Variants in MAML3 observed in about 807,000 individuals in gnomAD.
The protein encoded by MAML3 is mastermind like transcriptional coactivator 3.
MAML3 carries 27 observed loss-of-function variants against 101.9 expected under a neutral mutation model. The observed-to-expected ratio is 0.27, with a 90% CI of 0.20 to 0.37. The LOEUF (loss-of-function observed/expected upper bound fraction) is 0.37. Among genes scored for constraint, MAML3 ranks in the 10% least tolerant of loss-of-function variants. The pLI, the probability that MAML3 is intolerant of heterozygous loss-of-function variation, is 1.00. For missense variants in MAML3, 1,316 were observed against 1,444.9 expected (o/e 0.91, Z 1.45); for synonymous variants, 501 against 555.9 (o/e 0.90, Z 1.39).
intron 2 of MAML3, among the ~76,000 whole-genome samples, chr4:139,749,965 G>A (rs1414840287): frequency 6.7e-6 from 1 of 148,610 alleles, no homozygotes; most frequent in Non-Finnish European, 1.5e-5. Context: ...AGATGGCAAG[G>A]AACAGCTATC....
chr4:139,981,450 A>C (rs1457969636), intron 1 of MAML3, among the ~76,000 whole-genome samples: 2 of 152,238 alleles, frequency 1.3e-5, no homozygotes, highest in Non-Finnish European at 2.9e-5. Flanking sequence ...GATGTAAAGA[A>C]AATTTGCAAA....
In MAML3 at chr4:139,718,442, T is replaced by G. The variant is rs1054581322; in HGVS notation, c.*881A>C. ...TAAAGGCAGGGCTGGAGACAAAGGC[T>G]CCAGGCTGGCAGACACACAGGGTCC... On this transcript the variant is annotated 3_prime_UTR_variant, in exon 5 of 5. Transcript: ENST00000509479. 2.6e-5 allele frequency: 4 copies of G among 152,250 alleles called. No homozygotes were observed. The highest frequency in any genetic ancestry group is 2.6e-4 in the Admixed American group (4 of 15,264). 9.4% of individuals were successfully genotyped at this position (152,250 alleles called of 1,614,324 possible).
intron 1 of MAML3, among the ~76,000 whole-genome samples, chr4:140,135,814 G>A (rs1216721436): frequency 2.0e-5 from 3 of 152,220 alleles, no homozygotes; most frequent in African/African-American, 7.2e-5. Context: ...CAGCCCAGGA[G>A]CTGTTTTATC....
In MAML3 at chr4:139,916,524, C is replaced by T. The variant is rs188579047; in HGVS notation, c.469-25557G>A. ...TCCAGGGATATCACTACTGAAGCGC[C>T]GATATAAGGACACATTTCCCAGGAA... On this transcript the variant is annotated intron_variant, in intron 1 of 4. Coordinates refer to ENST00000509479, the MANE Select transcript of MAML3 (RefSeq NM_018717.5). 4.6e-5 allele frequency among the ~76,000 whole-genome samples: 7 copies of T among 152,234 alleles called. No individual in the cohort carries two copies. In the East Asian group the frequency reaches 1.2e-3, roughly 25 times the overall value.
At chr4:139,969,744 G>A (rs1211332150) in intron 1 of MAML3, among the ~76,000 whole-genome samples, 1 of 152,082 alleles carries the variant, frequency 6.6e-6, no homozygotes, top group Non-Finnish European at 1.5e-5. Context: ...GATGAGAAAA[G>A]CATGCTCTAC....
At chr4:139,793,998 C>T (rs1271841333) in intron 2 of MAML3, 1 of 152,182 alleles carries the variant, frequency 6.6e-6, no homozygotes, top group East Asian at 1.9e-4. Context: ...TCAGGAAGTT[C>T]TCATGTACCT....
chr4:139,816,939 A>T (rs2111118293), intron 2 of MAML3, among the ~76,000 whole-genome samples: 1 of 152,284 alleles, frequency 6.6e-6, no homozygotes, highest in East Asian at 1.9e-4. Context: ...CTAACTTTAT[A>T]TTACAATTAG....
chr4:139,719,413 C>A lies in MAML3; in HGVS notation c.3327G>T (p.Pro1109=). 1.2e-6 allele frequency: 2 copies of A among 1,614,008 alleles called. No individual in the cohort carries two copies. The highest frequency in any genetic ancestry group is 2.7e-5 in the African/African-American group (2 of 75,056). ...DGAGGSFPGL[P]DGADLVDSII... is the part of the protein sequence containing the mutation. ...TGGAGTCCACAAGGTCTGCACCGTC[C>A]GGGAGGCCAGGGAAGGAACCCCCAG... Residue 1109 remains proline, a synonymous_variant, in exon 5 of 5, where the codon CCG becomes CCT. Transcript: ENST00000509479.
intron 1 of MAML3, among the ~76,000 whole-genome samples, chr4:140,118,610 G>A (rs936909774): frequency 3.3e-5 from 5 of 152,010 alleles, no homozygotes; most frequent in African/African-American, 1.2e-4. Flanking sequence ...TTTGGGAGGC[G>A]AAGGCAGGAG....
chr4:139,875,353 A>AT (rs1276741646), intron 2 of MAML3, among the ~76,000 whole-genome samples: 1 of 152,148 alleles, frequency 6.6e-6, no homozygotes, highest in Non-Finnish European at 1.5e-5. Flanking sequence ...GCAAAAACGG[A>AT]GAGAACTGTG....
intron 2 of MAML3, among the ~76,000 whole-genome samples, chr4:139,821,233 G>A (rs1400097608): frequency 2.6e-5 from 4 of 152,158 alleles, no homozygotes; most frequent in East Asian, 1.9e-4. Flanking sequence ...CCCAATCCCC[G>A]GATCATGGAC....
At chr4:139,821,736 G>A (rs182361927) in intron 2 of MAML3, among the ~76,000 whole-genome samples, 1 of 152,312 alleles carries the variant, frequency 6.6e-6, no homozygotes, top group East Asian at 1.9e-4. Flanking sequence ...TGGTAGCTGA[G>A]TAACTGATAA....
At chr4:140,078,052 T>TAAATAAAG (rs1300190398) in intron 1 of MAML3, among the ~76,000 whole-genome samples, 3 of 151,690 alleles carry the variant, frequency 2.0e-5, no homozygotes, top group Admixed American at 6.6e-5. Flanking sequence ...AATAAATAAA[T>TAAATAAAG]AAAGACAGGT....
At chr4:140,003,622 C>T (rs372158514) in intron 1 of MAML3, among the ~76,000 whole-genome samples, 31 of 152,262 alleles carry the variant, frequency 2.0e-4, no homozygotes, top group African/African-American at 6.5e-4. Context: ...TCTGTGCTTT[C>T]GTGTACCCCA....
At chr4:139,922,439 G>A (rs1274614866) in intron 1 of MAML3, among the ~76,000 whole-genome samples, 1 of 131,740 alleles carries the variant, frequency 7.6e-6, no homozygotes, top group Non-Finnish European at 1.7e-5. Context: ...CTGCTTCAGA[G>A]AGAACGGTGG....
intron 1 of MAML3, among the ~76,000 whole-genome samples, chr4:140,023,536 G>A (rs1726771304): frequency 6.6e-6 from 1 of 152,204 alleles, no homozygotes; most frequent in South Asian, 2.1e-4. Context: ...AAGGCTATTT[G>A]TCAGGGGGAT....
At chr4:139,748,053 T>A (rs1308944897) in intron 2 of MAML3, among the ~76,000 whole-genome samples, 1 of 95,534 alleles carries the variant, frequency 1.0e-5, no homozygotes, top group African/African-American at 4.0e-5. Context: ...AGACTTCGTC[T>A]AAAAAAAAAA....
intron 2 of MAML3, among the ~76,000 whole-genome samples, chr4:139,805,557 G>C (rs1322739680): frequency 2.0e-5 from 3 of 152,184 alleles, no homozygotes; most frequent in Admixed American, 2.0e-4. Flanking sequence ...GAAATGAATA[G>C]AAACTACAAG....
At chr4:140,046,806 AG>A (rs1046708142) in intron 1 of MAML3, among the ~76,000 whole-genome samples, 1 of 151,804 alleles carries the variant, frequency 6.6e-6, no homozygotes, top group Non-Finnish European at 1.5e-5. Flanking sequence ...GGGGAGGGGT[AG>A]GGGGGACTGT....
Sources: allele counts gnomAD v4.1 joint callset (sites outside exome capture counted in the v4.1 genomes callset), GRCh38; gene constraint gnomAD v4.1.1; transcripts MANE v1.5; gene names NCBI Gene and HGNC (gene_info 2026-07-23, HGNC 2026-07-21).